The following FBXW12 variants were observed in gnomAD, a reference collection of about 807,000 sequenced individuals.
The protein encoded by FBXW12 is F-box/WD repeat-containing protein 12.
FBXW12 carries 43 observed loss-of-function variants against 55.3 expected under a neutral mutation model. That is an observed-to-expected ratio of 0.78 (90% CI 0.61 to 1.00). The LOEUF is 1.00. Ranked by LOEUF, FBXW12 falls within the 50% of genes least tolerant of loss-of-function variation. The probability of loss-of-function intolerance (pLI) is 0.00; values close to 1 mark genes in which losing one functional copy is unlikely to be tolerated. For synonymous variants in FBXW12, 184 were observed against 203.8 expected (o/e 0.90, Z 0.83); for missense variants, 524 against 560.5 (o/e 0.93, Z 0.66).
In FBXW12 at chr3:48,382,177, C is replaced by T. The variant is rs945647351; in HGVS notation, c.1295+92C>T. On this transcript the variant is annotated intron_variant, in intron 10 of 10. Transcript: ENST00000296438. ...ATGTCACCAGGCTGTAGTGCAGTGG[C>T]GTGATCTCAACTCACTGCAACCTCC... The T allele has an allele frequency of 1.3e-5, 19 of 1,411,836 alleles. No individual in the cohort carries two copies. The South Asian group carries it at 1.4e-4, about 10-fold the overall frequency. 87.5% of individuals were successfully genotyped at this position (1,411,836 alleles called of 1,614,324 possible).
chr3:48,390,368 T>A (rs535173009), intron 10 of FBXW12, among the ~76,000 whole-genome samples: 2 of 151,966 alleles, frequency 1.3e-5, no homozygotes, highest in African/African-American at 4.8e-5. Flanking sequence ...GCATGAAATG[T>A]TTTTGCATTT....
chr3:48,394,056 C>T (rs866571748), intron 10 of FBXW12, among the ~76,000 whole-genome samples: 2 of 151,894 alleles, frequency 1.3e-5, no homozygotes, highest in Non-Finnish European at 2.9e-5. Context: ...GGATTACAGG[C>T]GTGAGCCACC....
rs147634213 is a variant in FBXW12 at position 48,378,829 on chromosome 3, G to A, written c.615+303G>A. On this transcript the variant is annotated intron_variant, in intron 6 of 10. Transcript: ENST00000296438. ...CTGACCAGGCTGGTCTTGAACTCCT[G>A]ACCTCGTGATCTGCCCACCTCAGCC... Among the ~76,000 whole-genome samples the A allele has an allele frequency of 3.5e-3, 525 of 152,062 alleles. 1 individual carries two copies. The highest frequency in any genetic ancestry group is 0.012 in the African/African-American group (484 of 41,478).
intron 3 of FBXW12, 95 bp from the exon 4 acceptor site, chr3:48,373,453 A>G: frequency 6.2e-7 from 1 of 1,605,828 alleles, no homozygotes; most frequent in Non-Finnish European, 8.5e-7. Flanking sequence ...TATACACAGG[A>G]AAGTTAGTGT....
chr3:48,390,746 C>T (rs1313731747), intron 10 of FBXW12, among the ~76,000 whole-genome samples: 1 of 151,892 alleles, frequency 6.6e-6, no homozygotes, highest in Non-Finnish European at 1.5e-5. Flanking sequence ...TTGTAGTTCT[C>T]CTTGTAGAGA....
chr3:48,379,632 G>GTGC (rs1312681218), intron 7 of FBXW12, 74 bp downstream of exon 7: 1 of 1,289,602 alleles, frequency 7.8e-7, no homozygotes, highest in East Asian at 2.3e-5. Context: ...AAACTGCAGA[G>GTGC]CTCAGTGAGG....
Position 48,380,694 on chromosome 3 carries a change from C to T in FBXW12, c.775-8C>T. On this transcript the variant is annotated splice_polypyrimidine_tract_variant and splice_region_variant and intron_variant, in intron 7 of 10. Transcript: ENST00000296438. ...TGCCCCTGACCATGCATGCGATGCT[C>T]TCTTTAGGTATTCCTCACAGAGTCC... is the stretch of plus-strand genomic sequence containing the variant. 1.2e-6 allele frequency: 2 copies of T among 1,608,582 alleles called. No individual in the cohort carries two copies. Among genetic ancestry groups the T allele is most frequent in the Non-Finnish European group, 1.7e-6 (2 of 1,174,912 alleles).
rs183201960 is a variant in FBXW12 at position 48,377,229 on chromosome 3, A to G, written c.406-1088A>G. Among the ~76,000 whole-genome samples the G allele has an allele frequency of 7.1e-4, 108 of 152,356 alleles. 1 individual carries two copies. In the East Asian group the frequency reaches 0.015, roughly 21 times the overall value. ...TTTTGCCCCATGATAATCACGATCA[A>G]TCTTGTGTAGTCCACTGCCACAGTC... On this transcript the variant is annotated intron_variant, in intron 5 of 10. Coordinates refer to ENST00000296438, the MANE Select transcript of FBXW12 (RefSeq NM_207102.2).
chr3:48,376,037 A>C (rs1331139484), intron 5 of FBXW12, among the ~76,000 whole-genome samples: 6 of 115,336 alleles, frequency 5.2e-5, no homozygotes, highest in Admixed American at 5.1e-4. Context: ...GCTGGAGTGT[A>C]GTGGCGCGAT....
chr3:48,377,549 C>A (rs1379495948), intron 5 of FBXW12, among the ~76,000 whole-genome samples: 2 of 152,226 alleles, frequency 1.3e-5, no homozygotes, highest in African/African-American at 4.8e-5. Context: ...AGTCAAGCTA[C>A]CCCTGAATTT....
intron 10 of FBXW12, among the ~76,000 whole-genome samples, chr3:48,388,180 T>C (rs1023737935): frequency 6.6e-6 from 1 of 152,212 alleles, no homozygotes; most frequent in African/African-American, 2.4e-5. Flanking sequence ...TTAAAATCTG[T>C]TTTGTCACCC....
chr3:48,386,253 C>A (rs1319598725), intron 10 of FBXW12, among the ~76,000 whole-genome samples: 1 of 152,182 alleles, frequency 6.6e-6, no homozygotes, highest in Non-Finnish European at 1.5e-5. Context: ...AAGAGCATGT[C>A]CTTTCTCCAT....
intron 10 of FBXW12, among the ~76,000 whole-genome samples, chr3:48,382,637 G>T (rs934754247): frequency 6.6e-6 from 1 of 152,082 alleles, no homozygotes; most frequent in Non-Finnish European, 1.5e-5. Flanking sequence ...GTGTTTTCTT[G>T]CTGAGTTGTA....
chr3:48,394,079 C>T (rs1009231857), intron 10 of FBXW12, among the ~76,000 whole-genome samples: 1 of 151,806 alleles, frequency 6.6e-6, no homozygotes, highest in African/African-American at 2.4e-5. Flanking sequence ...GCCTGGCCTA[C>T]AAGATAATAT....
chr3:48,381,680 T>G lies in FBXW12; in HGVS notation c.986-20T>G. 6.5e-7 allele frequency: 1 copy of G among 1,540,720 alleles called. No individual in the cohort carries two copies. Among genetic ancestry groups the G allele is most frequent in the Non-Finnish European group, 8.8e-7 (1 of 1,142,174 alleles). On this transcript the variant is annotated intron_variant, in intron 8 of 10. Transcript: ENST00000296438. Reference sequence around the variant, plus strand: ...CCTTATGTGTGTGTGTATATATATGTGCGTTTTACATGAAAACAGCATATG... The same window carrying G: ...CCTTATGTGTGTGTGTATATATATGGGCGTTTTACATGAAAACAGCATATG...
At chr3:48,390,338 T>C (rs559053887) in intron 10 of FBXW12, among the ~76,000 whole-genome samples, 1 of 152,072 alleles carries the variant, frequency 6.6e-6, no homozygotes, top group South Asian at 2.1e-4. Flanking sequence ...TTAATGATAA[T>C]TGCTTCTTCT....
chr3:48,386,838 T>A (rs916490494), intron 10 of FBXW12, among the ~76,000 whole-genome samples: 1 of 152,184 alleles, frequency 6.6e-6, no homozygotes, highest in Admixed American at 6.5e-5. Context: ...CTTACTCATT[T>A]TATATTACTT....
rs142183920 is a variant in FBXW12 at position 48,379,046 on chromosome 3, T to G, written c.616-354T>G. Among the ~76,000 whole-genome samples, 591 of 152,288 alleles carry G rather than the reference T, an allele frequency of 3.9e-3. 6 individuals are homozygous for G. The highest frequency in any genetic ancestry group is 0.014 in the African/African-American group (565 of 41,566). ...CTTCTAAAGACAAAAAGCCAAAAAC[T>G]TCCTGAATTACTTTATATGTGCCTT... On this transcript the variant is annotated intron_variant, in intron 6 of 10. Transcript: ENST00000296438.
In FBXW12 at chr3:48,375,464, G is replaced by T. The variant is rs201742935; in HGVS notation, c.397G>T (p.Val133Leu). ...AAAGCAAGAGCTTTGTGCCTGGGAT[G>T]TGCAAGAGGTGAGTCTGGCCAATAT... is the stretch of plus-strand genomic sequence containing the variant. Reference protein sequence around the residue: ...SPKQELCAWDVQEGTMIWSSP... With the variant: ...SPKQELCAWDLQEGTMIWSSP... Residue 133 changes from valine (V) to leucine (L), a missense_variant, in exon 5 of 11, where the codon GTG becomes TTG. Coordinates refer to ENST00000296438, the MANE Select transcript of FBXW12 (RefSeq NM_207102.2). 2,878 of 1,593,098 alleles carry T rather than the reference G, an allele frequency of 1.8e-3. 79 individuals are homozygous for T. In the South Asian group the frequency reaches 0.031, roughly 17 times the overall value.
Sources: gnomAD v4.1 joint callset for allele counts (sites outside exome capture counted in the v4.1 genomes callset) on GRCh38, gnomAD v4.1.1 for gene constraint, MANE v1.5 for transcripts, NCBI Gene and HGNC (gene_info 2026-07-23, HGNC 2026-07-21) for gene names.